The following ADARB2 variants were observed in gnomAD, a reference collection of about 807,000 sequenced individuals.
The protein encoded by ADARB2 is inactive double-stranded RNA-specific editase B2.
Under a neutral mutation model 62.2 loss-of-function variants are expected in ADARB2, and 25 were observed. The observed-to-expected ratio is 0.40, with a 90% CI of 0.29 to 0.56. The LOEUF is 0.56. ADARB2 is among the 20% of genes least tolerant of loss of function. The probability of loss-of-function intolerance (pLI) is 0.43; values close to 1 mark genes in which losing one functional copy is unlikely to be tolerated. For missense variants in ADARB2, 1,071 were observed against 1,077.4 expected, an observed-to-expected ratio of 0.99 and a Z score of 0.08; for synonymous variants, 572 against 500.8, an observed-to-expected ratio of 1.14 and a Z score of -1.90.
intron 1 of ADARB2, among the ~76,000 whole-genome samples, chr10:1,505,941 C>T (rs1831841801): frequency 6.6e-6 from 1 of 152,170 alleles, no homozygotes; most frequent in South Asian, 2.1e-4. Flanking sequence ...TTGACTTTTT[C>T]CATTCTTGGT....
At chr10:1,455,251 C>A (rs1053923686) in intron 1 of ADARB2, among the ~76,000 whole-genome samples, 1 of 152,198 alleles carries the variant, frequency 6.6e-6, no homozygotes, top group Admixed American at 6.5e-5. Flanking sequence ...AGGTGCAAAT[C>A]AAGCGCCACC....
chr10:1,263,623 C>CG (rs1831165109), intron 4 of ADARB2, among the ~76,000 whole-genome samples: 1 of 152,184 alleles, frequency 6.6e-6, no homozygotes, highest in African/African-American at 2.4e-5. Context: ...GATTGGAGTA[C>CG]TAGACCTTGA....
At chr10:1,348,927 C>T (rs547982088) in intron 3 of ADARB2, among the ~76,000 whole-genome samples, 10 of 152,132 alleles carry the variant, frequency 6.6e-5, no homozygotes, top group Admixed American at 1.3e-4. Context: ...GCTGCGAGAA[C>T]GATGGAAAGA....
intron 1 of ADARB2, among the ~76,000 whole-genome samples, chr10:1,433,207 C>T (rs1350553845): frequency 6.6e-6 from 1 of 152,112 alleles, no homozygotes; most frequent in East Asian, 1.9e-4. Flanking sequence ...GTGGGATAGC[C>T]AGGACCACAG....
chr10:1,282,648 C>T (rs1831380449), intron 3 of ADARB2, among the ~76,000 whole-genome samples: 1 of 152,156 alleles, frequency 6.6e-6, no homozygotes, highest in Admixed American at 6.5e-5. Context: ...TCAGACTTTG[C>T]AATAATGTGA....
At chr10:1,189,607 G>C (rs890874953) in intron 8 of ADARB2, among the ~76,000 whole-genome samples, 1 of 151,978 alleles carries the variant, frequency 6.6e-6, no homozygotes, top group Admixed American at 6.5e-5. Context: ...GACGGAACTC[G>C]AGTCCCAAGG....
At position 1,319,492 on chromosome 10, in the gene ADARB2, A is replaced by G. The variant is rs536321984; in HGVS notation, c.1077+43536T>C. ...ACCCTCCATCATAATCAAAATAAAAAGCAAAATAAAAGACATATTCAGATA... is the reference window on the plus strand; with the variant it reads ...ACCCTCCATCATAATCAAAATAAAAGGCAAAATAAAAGACATATTCAGATA... On this transcript the variant is annotated intron_variant, in intron 3 of 9. Transcript: ENST00000381312. Among the ~76,000 whole-genome samples, 193 of 152,346 alleles carry G rather than the reference A, an allele frequency of 1.3e-3. 4 individuals carry two copies. Among genetic ancestry groups the G allele is most frequent in the South Asian group, 7.3e-3 (35 of 4,818 alleles).
At chr10:1,567,843 G>A (rs1204460708) in intron 1 of ADARB2, among the ~76,000 whole-genome samples, 1 of 152,238 alleles carries the variant, frequency 6.6e-6, no homozygotes, top group African/African-American at 2.4e-5. Flanking sequence ...ATGGTTATGT[G>A]CCTCACTCGA....
chr10:1,697,419 G>C (rs1436878559), intron 1 of ADARB2, among the ~76,000 whole-genome samples: 1 of 152,182 alleles, frequency 6.6e-6, no homozygotes, highest in Non-Finnish European at 1.5e-5. Context: ...GACAGACACA[G>C]AGAACACGTG....
At chr10:1,326,950 CA>C (rs1831860559) in intron 3 of ADARB2, among the ~76,000 whole-genome samples, 1 of 73,696 alleles carries the variant, frequency 1.4e-5, no homozygotes, top group Non-Finnish European at 3.1e-5. Context: ...CTCCCCACGG[CA>C]CAGCGCCTCC....
intron 3 of ADARB2, among the ~76,000 whole-genome samples, chr10:1,320,294 G>C (rs1175288419): frequency 6.6e-6 from 1 of 152,164 alleles, no homozygotes; most frequent in Non-Finnish European, 1.5e-5. Context: ...TAGCAAAGTA[G>C]GGCTCCCCAA....
intron 3 of ADARB2, among the ~76,000 whole-genome samples, chr10:1,276,433 A>C (rs1831317559): frequency 6.6e-6 from 1 of 152,112 alleles, no homozygotes; most frequent in Non-Finnish European, 1.5e-5. Context: ...AGTAGATTGC[A>C]AAAATTTTCT....
intron 4 of ADARB2, among the ~76,000 whole-genome samples, chr10:1,261,804 A>T (rs1243345559): frequency 6.6e-6 from 1 of 150,380 alleles, no homozygotes; most frequent in Non-Finnish European, 1.5e-5. Context: ...ATATACCCAA[A>T]GGACTATAAA....
intron 1 of ADARB2, among the ~76,000 whole-genome samples, chr10:1,543,883 C>G (rs917585346): frequency 2.0e-5 from 3 of 152,048 alleles, no homozygotes; most frequent in Admixed American, 1.3e-4. Context: ...TCAAGTTCAT[C>G]CCATCAAGTC....
intron 1 of ADARB2, among the ~76,000 whole-genome samples, chr10:1,686,517 A>G (rs4880532): frequency 0.96 from 146,932 of 152,326 alleles, 70,921 homozygotes; most frequent in East Asian, 1. Flanking sequence ...AAGGCTGTGG[A>G]TTGCTGATGG....
At chr10:1,206,791 T>A (rs376281621) in intron 7 of ADARB2, among the ~76,000 whole-genome samples, 2 of 152,208 alleles carry the variant, frequency 1.3e-5, no homozygotes, top group East Asian at 1.9e-4. Context: ...CGGCCTCGTG[T>A]TTTCTCTTGT....
Position 1,426,608 on chromosome 10 carries a change from G to A in ADARB2, c.101-47448C>T, listed in dbSNP as rs1832895376. On this transcript the variant is annotated intron_variant, in intron 1 of 9. Transcript: ENST00000381312. The surrounding 1 kb of genome is among the most constrained non-coding windows in gnomAD (Gnocchi z 4.1). The stretch of plus-strand genomic sequence containing the variant: ...GCCTCCAGCTCTGAGTCTGCTGCCA[G>A]GTGGAGGTTCTTCCATTTGATAAGG... 6.6e-6 allele frequency among the ~76,000 whole-genome samples: 1 copy of A among 152,146 alleles called. No individual in the cohort carries two copies. The highest frequency in any genetic ancestry group is 2.4e-5 in the African/African-American group (1 of 41,440).
intron 1 of ADARB2, among the ~76,000 whole-genome samples, chr10:1,531,346 C>T (rs1054562251): frequency 2.0e-5 from 3 of 152,222 alleles, no homozygotes; most frequent in Admixed American, 6.5e-5. Flanking sequence ...CAGCCCTTCG[C>T]GAGAGGCATG....
chr10:1,579,413 G>C (rs1350530830), intron 1 of ADARB2, among the ~76,000 whole-genome samples: 1 of 152,190 alleles, frequency 6.6e-6, no homozygotes, highest in African/African-American at 2.4e-5. Context: ...GCACATAACA[G>C]CAAGTTAATC....
Sources: allele counts gnomAD v4.1 joint callset (sites outside exome capture counted in the v4.1 genomes callset), GRCh38; gene constraint gnomAD v4.1.1; non-coding constraint Gnocchi (gnomAD v3.1); transcripts MANE v1.5; gene names NCBI Gene and HGNC (gene_info 2026-07-23, HGNC 2026-07-21).